PNPLA7: variants seen among roughly 807,000 people sequenced by gnomAD.
PNPLA7 encodes the protein patatin like domain 7, lysophospholipase, also known as patatin-like phospholipase domain-containing protein 7.
PNPLA7 carries 153 observed loss-of-function variants against 161.7 expected under a neutral mutation model. That is an observed-to-expected ratio of 0.95 (90% CI 0.83 to 1.08). The LOEUF is 1.08. PNPLA7 is among the 50% of genes least tolerant of loss of function. The pLI is 0.00. For synonymous variants in PNPLA7, 809 were observed against 782.1 expected, an observed-to-expected ratio of 1.03 and a Z score of -0.57; for missense variants, 1,739 against 1,856.6, an observed-to-expected ratio of 0.94 and a Z score of 1.16.
chr9:137,506,034 G>A lies in PNPLA7; in HGVS notation c.1275C>T (p.Ala425=), dbSNP rs759385514. 4 of 1,613,108 alleles carry A rather than the reference G, an allele frequency of 2.5e-6. No homozygotes were observed. In the Admixed American group the frequency reaches 6.7e-5, roughly 27 times the overall value. ...TSDLGMACDR[A]RVFLHSDEHP... Reference sequence around the variant, plus strand: ...GCTCGTCCGAGTGCAGGAAGACCCTGGCACGGTCACATGCCATCCCCAGAT... The same window carrying A: ...GCTCGTCCGAGTGCAGGAAGACCCTAGCACGGTCACATGCCATCCCCAGAT... Residue 425 remains alanine, a synonymous_variant, in exon 13 of 35, where the codon GCC becomes GCT. Coordinates refer to ENST00000406427, the MANE Select transcript of PNPLA7 (RefSeq NM_001098537.3).
chr9:137,466,370 A>G (rs1218527301), intron 26 of PNPLA7, among the ~76,000 whole-genome samples: 20 of 142,888 alleles, frequency 1.4e-4, no homozygotes, highest in Middle Eastern at 8.0e-3. Flanking sequence ...ACCCGGGCAC[A>G]GATCAGACCA....
chr9:137,481,104 TACCGACGCCGAGCCAGGC>T (rs923026752), intron 21 of PNPLA7, 81 bp from the exon 22 acceptor site: 36 of 1,460,304 alleles, frequency 2.5e-5, no homozygotes, highest in African/African-American at 1.3e-4. Flanking sequence ...CCCAGCAAGG[TACCGACGCCGAGCCAGGC>T]ACCGACGCCC....
In PNPLA7 at chr9:137,495,142, TCCAC is replaced by T; in HGVS notation, c.2014_2017del (p.Val672ArgfsTer3). 1 of 1,597,462 alleles carries T rather than the reference TCCAC, an allele frequency of 6.3e-7. No individual in the cohort carries two copies. Among genetic ancestry groups the T allele is most frequent in the East Asian group, 2.2e-5 (1 of 44,676 alleles). On this transcript the variant is annotated frameshift_variant and splice_region_variant, in exon 19 of 35. Coordinates refer to ENST00000406427, the MANE Select transcript of PNPLA7 (RefSeq NM_001098537.3). LOFTEE classifies it high-confidence loss of function. ...CGCCCGGGCCTGGTGGGTCAGTGTC[TCCAC>T]CTGAGGACAGGAGCCGGCTGCTGGG...
intron 8 of PNPLA7, among the ~76,000 whole-genome samples, chr9:137,532,695 A>G (rs1835641674): frequency 6.6e-6 from 1 of 152,178 alleles, no homozygotes; most frequent in African/African-American, 2.4e-5. Context: ...CTCACTGCAG[A>G]GCCAGAACGA....
chr9:137,534,017 C>A (rs896972183), intron 8 of PNPLA7, among the ~76,000 whole-genome samples: 4 of 150,202 alleles, frequency 2.7e-5, no homozygotes, highest in Admixed American at 1.3e-4. Context: ...GAATCCTCCA[C>A]AACAGTGTCT....
At chr9:137,479,296 C>T (rs956891068) in intron 23 of PNPLA7, 58 bp from the exon 24 acceptor site, 64 of 1,450,906 alleles carry the variant, frequency 4.4e-5, no homozygotes, top group South Asian at 7.0e-5. Flanking sequence ...CGGGACAGGA[C>T]GGAGCTGAAG....
intron 8 of PNPLA7, among the ~76,000 whole-genome samples, chr9:137,528,692 T>C (rs1430099260): frequency 6.6e-6 from 1 of 151,424 alleles, no homozygotes; most frequent in Non-Finnish European, 1.5e-5. Flanking sequence ...TTTCATGATA[T>C]ATCTTCTTCC....
chr9:137,522,203 T>C (rs1005701316), intron 9 of PNPLA7, among the ~76,000 whole-genome samples: 2 of 152,182 alleles, frequency 1.3e-5, no homozygotes, highest in Non-Finnish European at 2.9e-5. Flanking sequence ...GCCTCCCGAG[T>C]AGCTGGGACT....
intron 23 of PNPLA7, chr9:137,479,810 C>CTG: frequency 2.0e-6 from 2 of 985,470 alleles, no homozygotes; most frequent in Non-Finnish European, 2.4e-6. Context: ...ATCTGGGAAC[C>CTG]TGCAGACACA....
chr9:137,479,819 C>T, intron 23 of PNPLA7: 1 of 985,472 alleles, frequency 1.0e-6, no homozygotes, highest in Non-Finnish European at 1.2e-6. Context: ...CCTGCAGACA[C>T]AGCCTGGGGC....
In PNPLA7 at chr9:137,467,418, C is replaced by T; in HGVS notation, c.2938G>A (p.Asp980Asn). The T allele has an allele frequency of 6.2e-7, 1 of 1,613,440 alleles. No homozygotes were observed. Among genetic ancestry groups the T allele is most frequent in the East Asian group, 2.2e-5 (1 of 44,884 alleles). ...CCGATGGACGTGCCTCCCACCATGT[C>T]CACAGGGATGCCGCACTCCGCCAAG... The part of the protein sequence containing the change: ...KALAECGIPV[D>N]MVGGTSIGAF... The change falls in exon 26 of 35, where the codon GAC (aspartate) becomes AAC (asparagine). Residue 980 changes from aspartate (D) to asparagine (N), a missense_variant. Transcript: ENST00000406427. The surrounding 1 kb of genome is among the most constrained non-coding windows in gnomAD (Gnocchi z 5.1).
chr9:137,462,075 T>A, intron 31 of PNPLA7, 34 bp from the exon 32 acceptor site: 1 of 1,537,976 alleles, frequency 6.5e-7, no homozygotes, highest in Non-Finnish European at 8.8e-7. Context: ...TCAGGAGGTG[T>A]GGGGAGCCCC....
At chr9:137,544,903 C>T (rs1000267872) in intron 4 of PNPLA7, among the ~76,000 whole-genome samples, 5 of 152,206 alleles carry the variant, frequency 3.3e-5, no homozygotes, top group African/African-American at 4.8e-5. Context: ...CCACCTCAGC[C>T]TCTCAAAGTG....
chr9:137,463,739 C>T (rs1162348481), intron 28 of PNPLA7, among the ~76,000 whole-genome samples: 1 of 152,160 alleles, frequency 6.6e-6, no homozygotes, highest in Non-Finnish European at 1.5e-5. Flanking sequence ...GGACTTCGAA[C>T]TGCTGTGACC....
At chr9:137,498,945 C>G (rs895161907) in intron 16 of PNPLA7, among the ~76,000 whole-genome samples, 9 of 152,146 alleles carry the variant, frequency 5.9e-5, no homozygotes, top group Non-Finnish European at 7.4e-5. Flanking sequence ...AACGTGGAAT[C>G]AGGATCTGCT....
At chr9:137,518,594 C>T (rs1326940810) in intron 11 of PNPLA7, among the ~76,000 whole-genome samples, 1 of 75,470 alleles carries the variant, frequency 1.3e-5, no homozygotes. Context: ...CTCACTCACT[C>T]CACTCTGTCC....
At chr9:137,469,181 C>T (rs1043525892) in intron 25 of PNPLA7, among the ~76,000 whole-genome samples, 4 of 152,128 alleles carry the variant, frequency 2.6e-5, no homozygotes, top group African/African-American at 4.8e-5. Context: ...GTGGGTCTAA[C>T]GGCAGAACAG....
At chr9:137,516,619 G>C (rs934428225) in intron 11 of PNPLA7, 1 of 607,398 alleles carries the variant, frequency 1.6e-6, no homozygotes. Context: ...GACCACCCTG[G>C]ACCACGTAGT....
intron 26 of PNPLA7, among the ~76,000 whole-genome samples, chr9:137,466,184 C>A (rs572848666): frequency 1.3e-5 from 2 of 152,210 alleles, no homozygotes; most frequent in Admixed American, 6.5e-5. Context: ...CGCTGCCCTG[C>A]CTGGCCGTTG....
Sources: gnomAD v4.1 joint callset for allele counts (sites outside exome capture counted in the v4.1 genomes callset) on GRCh38, gnomAD v4.1.1 for gene constraint, Gnocchi (gnomAD v3.1) non-coding constraint, MANE v1.5 for transcripts, NCBI Gene and HGNC (gene_info 2026-07-23, HGNC 2026-07-21) for gene names.